The following PCDHA5 variants were observed in gnomAD, a reference collection of about 807,000 sequenced individuals.
The protein encoded by PCDHA5 is protocadherin alpha 5.
In PCDHA5, 43 loss-of-function variants were observed where a neutral mutation model predicts 61.6. That is an observed-to-expected ratio of 0.70 (90% CI 0.55 to 0.90). The LOEUF is 0.90. PCDHA5 is among the 40% of genes least tolerant of loss of function. The pLI is 0.00. For synonymous variants in PCDHA5, 627 were observed against 543.9 expected (o/e 1.15, Z -2.13); for missense variants, 1,298 against 1,222.7 (o/e 1.06, Z -0.92).
rs139591086 is a variant in PCDHA5 at position 140,823,863 on chromosome 5, C to G, written c.2088C>G (p.Asn696Lys). The stretch of plus-strand genomic sequence containing the variant: ...CCGAGGCTGCCCTGGTGGATGTCAA[C>G]GTGTACCTGATCATCGCCATCTGTG... ...VGPEAALVDVNVYLIIAICAV... is the reference protein window; with the variant it reads ...VGPEAALVDVKVYLIIAICAV... The change falls in exon 1 of 4, where the codon AAC (asparagine) becomes AAG (lysine). Residue 696 changes from asparagine to lysine, a missense_variant. Transcript: ENST00000529859. 4 of 1,613,882 alleles carry G rather than the reference C, an allele frequency of 2.5e-6. No homozygotes were observed. Among genetic ancestry groups the G allele is most frequent in the Admixed American group, 3.3e-5 (2 of 60,036 alleles).
At chr5:140,956,009 CTT>C (rs2095247878) in intron 1 of PCDHA5, among the ~76,000 whole-genome samples, 1 of 152,192 alleles carries the variant, frequency 6.6e-6, no homozygotes, top group Non-Finnish European at 1.5e-5. Flanking sequence ...TATCCTGAGA[CTT>C]TGCTGAAGTT....
chr5:141,007,470 A>G (rs1395064697), intron 3 of PCDHA5, among the ~76,000 whole-genome samples: 2 of 151,494 alleles, frequency 1.3e-5, no homozygotes. Context: ...CAGGAGGCTG[A>G]GGCACGAGAA....
At chr5:141,000,412 TATATATA>T (rs1563651366) in intron 3 of PCDHA5, among the ~76,000 whole-genome samples, 7 of 102,770 alleles carry the variant, frequency 6.8e-5, no homozygotes, top group African/African-American at 2.7e-4. Context: ...TATATATATA[TATATATA>T]TATTTTTTTT....
chr5:140,922,498 G>C (rs2080865421), intron 1 of PCDHA5, among the ~76,000 whole-genome samples: 1 of 152,230 alleles, frequency 6.6e-6, no homozygotes, highest in African/African-American at 2.4e-5. Context: ...CTGAGAGTGA[G>C]CAGATGCACC....
At chr5:140,869,937 A>C (rs782444890) in intron 1 of PCDHA5, 1 of 1,612,006 alleles carries the variant, frequency 6.2e-7, no homozygotes, top group Non-Finnish European at 8.5e-7. Flanking sequence ...GAGAGGTAAC[A>C]TACTCCTTAA....
intron 3 of PCDHA5, among the ~76,000 whole-genome samples, chr5:140,983,787 A>G (rs1439684844): frequency 6.6e-6 from 1 of 152,234 alleles, no homozygotes; most frequent in Non-Finnish European, 1.5e-5. Flanking sequence ...ATAACAGATG[A>G]CAGAATGTGT....
rs781906273 is a variant in PCDHA5, at chr5:140,869,410, A to G, written c.2352+45283A>G. The G allele has an allele frequency of 3.7e-6, 6 of 1,614,082 alleles. No individual in the cohort carries two copies. The East Asian group carries it at 1.1e-4, about 30-fold the overall frequency. ...GCTGTGCGGGCAGAGCGCGGAGTGCAGCATCCACCTGGAGGTGATCGTGGA... is the reference window on the plus strand; with the variant it reads ...GCTGTGCGGGCAGAGCGCGGAGTGCGGCATCCACCTGGAGGTGATCGTGGA... On this transcript the variant is annotated intron_variant, in intron 1 of 3. Transcript: ENST00000529859.
chr5:140,834,739 T>G (rs1422918644), intron 1 of PCDHA5: 1 of 1,614,236 alleles, frequency 6.2e-7, no homozygotes, highest in Non-Finnish European at 8.5e-7. Flanking sequence ...GTTTTCCATG[T>G]GGACGTGGAG....
At chr5:140,994,288 C>G (rs2097610720) in intron 3 of PCDHA5, among the ~76,000 whole-genome samples, 4 of 152,150 alleles carry the variant, frequency 2.6e-5, no homozygotes, top group Admixed American at 6.5e-5. Flanking sequence ...TGAGACAGTC[C>G]CCAGATTGTT....
chr5:140,926,976 GGA>G (rs1184794302), intron 1 of PCDHA5: 3 of 1,610,286 alleles, frequency 1.9e-6, no homozygotes, highest in Non-Finnish European at 2.5e-6. Context: ...CAGTGCCGGA[GGA>G]GACGGAGCGG....
intron 1 of PCDHA5, chr5:140,926,897 T>C: frequency 1.3e-6 from 2 of 1,548,696 alleles, no homozygotes; most frequent in Non-Finnish European, 1.7e-6. Context: ...GGGAGGATGG[T>C]GGGCTGTGGG....
At chr5:141,008,723 C>G (rs1480694972) in intron 3 of PCDHA5, among the ~76,000 whole-genome samples, 1 of 152,110 alleles carries the variant, frequency 6.6e-6, no homozygotes, top group Non-Finnish European at 1.5e-5. Flanking sequence ...GAGTGTATGT[C>G]CAACTAGACT....
intron 1 of PCDHA5, chr5:140,871,090 A>G (rs782465793): frequency 1.2e-6 from 2 of 1,613,254 alleles, no homozygotes; most frequent in South Asian, 1.1e-5. Flanking sequence ...GGCCACGGCC[A>G]CCGTGCTGGT....
intron 1 of PCDHA5, among the ~76,000 whole-genome samples, chr5:140,889,878 A>G (rs1456816812): frequency 6.6e-6 from 1 of 152,178 alleles, no homozygotes; most frequent in African/African-American, 2.4e-5. Flanking sequence ...GCCTGCCACC[A>G]TGTAAGAATT....
At chr5:140,910,780 C>T (rs2075160544) in intron 1 of PCDHA5, among the ~76,000 whole-genome samples, 1 of 152,192 alleles carries the variant, frequency 6.6e-6, no homozygotes, top group South Asian at 2.1e-4. Flanking sequence ...CAAGCTGCAA[C>T]ATTAAATGCA....
chr5:140,927,825 GGCGAGGGA>G (rs782044178), intron 1 of PCDHA5: 1 of 1,614,098 alleles, frequency 6.2e-7, no homozygotes, highest in Non-Finnish European at 8.5e-7. Context: ...CATACATTGA[GGCGAGGGA>G]CGAAGGTGTC....
At chr5:140,979,908 TAA>T (rs782196172) in intron 2 of PCDHA5, among the ~76,000 whole-genome samples, 3 of 152,250 alleles carry the variant, frequency 2.0e-5, no homozygotes, top group Non-Finnish European at 4.4e-5. Context: ...GATCAGTTCG[TAA>T]AGAGAAAGCC....
chr5:140,869,403 G>C, intron 1 of PCDHA5: 3 of 1,614,206 alleles, frequency 1.9e-6, no homozygotes, highest in Non-Finnish European at 2.5e-6. Flanking sequence ...GGCAGAGCGC[G>C]GAGTGCAGCA....
At chr5:140,883,324 C>A (rs782213205) in intron 1 of PCDHA5, 1 of 1,614,166 alleles carries the variant, frequency 6.2e-7, no homozygotes, top group Non-Finnish European at 8.5e-7. Context: ...AGGTTACCAT[C>A]ACTTCTTTGT....
Sources: gnomAD v4.1 joint callset for allele counts (sites outside exome capture counted in the v4.1 genomes callset) on GRCh38, gnomAD v4.1.1 for gene constraint, MANE v1.5 for transcripts, NCBI Gene and HGNC (gene_info 2026-07-23, HGNC 2026-07-21) for gene names.